Variants in NRG3 observed in about 807,000 individuals in gnomAD.
NRG3 encodes the protein pro-neuregulin-3, membrane-bound isoform.
Under a neutral mutation model 66.9 loss-of-function variants are expected in NRG3, and 31 were observed. That is an observed-to-expected ratio of 0.46 (90% CI 0.35 to 0.63). The LOEUF is 0.63. Among genes scored for constraint, NRG3 ranks in the 20% least tolerant of loss-of-function variants. NRG3 has a pLI of 0.00. For synonymous variants in NRG3, 393 were observed against 359.4 expected, an observed-to-expected ratio of 1.09 and a Z score of -1.06; for missense variants, 910 against 878.9, an observed-to-expected ratio of 1.04 and a Z score of -0.45.
intron 1 of NRG3, among the ~76,000 whole-genome samples, chr10:82,287,908 C>T (rs1311417778): frequency 6.6e-6 from 1 of 152,126 alleles, no homozygotes; most frequent in Non-Finnish European, 1.5e-5. Context: ...CCAGTGGTCC[C>T]TTGTTGATCA....
chr10:82,949,738 C>G (rs574188584), intron 4 of NRG3, among the ~76,000 whole-genome samples: 2 of 152,030 alleles, frequency 1.3e-5, no homozygotes, highest in Admixed American at 6.6e-5. Context: ...GCCTATAGTC[C>G]TAGCTACTTG....
intron 8 of NRG3, among the ~76,000 whole-genome samples, chr10:82,979,398 C>T (rs1004983133): frequency 1.2e-4 from 19 of 152,230 alleles, no homozygotes; most frequent in African/African-American, 4.6e-4. Context: ...TTTGCTAATA[C>T]AACTGGAAAT....
At chr10:82,314,697 C>T (rs2081205257) in intron 1 of NRG3, among the ~76,000 whole-genome samples, 1 of 152,218 alleles carries the variant, frequency 6.6e-6, no homozygotes, top group East Asian at 1.9e-4. Context: ...GTAATCTCAG[C>T]TACTCCAGAG....
intron 1 of NRG3, among the ~76,000 whole-genome samples, chr10:82,062,540 A>C (rs1472903905): frequency 6.6e-6 from 1 of 151,748 alleles, no homozygotes; most frequent in Non-Finnish European, 1.5e-5. Context: ...TGGAAGGCAG[A>C]GGTTGCAGTG....
At chr10:82,456,503 T>A (rs2091274607) in intron 2 of NRG3, among the ~76,000 whole-genome samples, 1 of 152,018 alleles carries the variant, frequency 6.6e-6, no homozygotes, top group Non-Finnish European at 1.5e-5. Context: ...CACACACTAG[T>A]CTAGGCCTAC....
At chr10:82,978,136 A>G (rs1852479211) in intron 7 of NRG3, among the ~76,000 whole-genome samples, 1 of 152,140 alleles carries the variant, frequency 6.6e-6, no homozygotes. Context: ...AGTAGGGTCA[A>G]TTCAGTGGGG....
In NRG3 at chr10:81,876,041, A is replaced by T. The variant is rs781520095; in HGVS notation, c.701A>T (p.Tyr234Phe). 12 of 1,613,490 alleles carry T rather than the reference A, an allele frequency of 7.4e-6. No individual in the cohort carries two copies. The highest frequency in any genetic ancestry group is 1.0e-5 in the Non-Finnish European group (12 of 1,179,920). The change falls in exon 1 of 9, where the codon TAC (tyrosine) becomes TTC (phenylalanine). Residue 234 changes from tyrosine to phenylalanine, a missense_variant. Physicochemically the swap from Tyr to Phe is conservative, Grantham distance 22. Transcript: ENST00000372141. Reference sequence around the variant, plus strand: ...ACTGCGGCATACGCTACCTCCTCCTACCTTCACGATTCTACTCCCTCCTGG... The same window carrying T: ...ACTGCGGCATACGCTACCTCCTCCTTCCTTCACGATTCTACTCCCTCCTGG... Reference protein sequence around the residue: ...WPTAAYATSSYLHDSTPSWTL... With the variant: ...WPTAAYATSSFLHDSTPSWTL...
chr10:82,524,179 A>G (rs905567444), intron 2 of NRG3, among the ~76,000 whole-genome samples: 2 of 152,050 alleles, frequency 1.3e-5, no homozygotes, highest in African/African-American at 2.4e-5. Flanking sequence ...TCTCATTTGT[A>G]TCATCTCCAA....
chr10:82,273,317 C>G (rs1446257353), intron 1 of NRG3, among the ~76,000 whole-genome samples: 1 of 151,982 alleles, frequency 6.6e-6, no homozygotes, highest in Non-Finnish European at 1.5e-5. Context: ...GTAGAGTCGA[C>G]AACTGTGTCA....
In NRG3 at chr10:82,548,521, TCTCACA is replaced by T. The variant is rs1464700338; in HGVS notation, c.953+189655_953+189660del. Among the ~76,000 whole-genome samples the T allele has an allele frequency of 2.2e-3, 237 of 108,468 alleles. 1 individual carries two copies. Among genetic ancestry groups the T allele is most frequent in the Admixed American group, 3.4e-3 (37 of 10,832 alleles). The allele number at this position is 108,468 out of a possible 152,430, so 71.2% of individuals were successfully genotyped here. A position where few individuals can be genotyped will look rare whatever the true frequency, so the allele number is the denominator to read the frequency against. On this transcript the variant is annotated intron_variant, in intron 2 of 8. Coordinates refer to ENST00000372141, the MANE Select transcript of NRG3 (RefSeq NM_001010848.4). Reference sequence around the variant, plus strand: ...ACAAAATACACAAATACATTCTGTCTCTCACACACACACACACACACACACACACAC... The same window carrying T: ...ACAAAATACACAAATACATTCTGTCTCACACACACACACACACACACACAC...
At chr10:82,113,699 T>C (rs2067528603) in intron 1 of NRG3, among the ~76,000 whole-genome samples, 1 of 152,170 alleles carries the variant, frequency 6.6e-6, no homozygotes. Flanking sequence ...GGTGAACCAA[T>C]GTAAATTTCC....
intron 2 of NRG3, among the ~76,000 whole-genome samples, chr10:82,674,975 T>TTTATTTA (rs2053570387): frequency 2.0e-5 from 2 of 98,244 alleles, no homozygotes; most frequent in Admixed American, 9.3e-5. Context: ...TTATTTATTT[T>TTTATTTA]TTGAGACGGA....
intron 6 of NRG3, among the ~76,000 whole-genome samples, chr10:82,960,638 C>T (rs1368090400): frequency 6.6e-6 from 1 of 151,960 alleles, no homozygotes; most frequent in Admixed American, 6.6e-5. Context: ...GATGACATTC[C>T]ACCACAAATG....
chr10:82,652,595 G>A (rs1214894895), intron 2 of NRG3, among the ~76,000 whole-genome samples: 1 of 152,140 alleles, frequency 6.6e-6, no homozygotes, highest in Non-Finnish European at 1.5e-5. Flanking sequence ...GGCTGAGCCT[G>A]GGGTTTTTAT....
At chr10:82,341,290 A>G (rs1354694808) in intron 1 of NRG3, among the ~76,000 whole-genome samples, 1 of 152,088 alleles carries the variant, frequency 6.6e-6, no homozygotes, top group Non-Finnish European at 1.5e-5. Context: ...GTGTAGCTTA[A>G]AAGAGTCCAA....
In NRG3 at chr10:82,944,304, G is replaced by A. The variant is rs550151603; in HGVS notation, c.1055-7165G>A. Among the ~76,000 whole-genome samples the A allele has an allele frequency of 3.3e-5, 5 of 152,236 alleles. No homozygotes were observed. In the East Asian group the frequency reaches 5.8e-4, roughly 18 times the overall value. On this transcript the variant is annotated intron_variant, in intron 4 of 8. Transcript: ENST00000372141. ...GAAATAATTCATTTTTGTGAGTGCA[G>A]TCTTATGTTTTTGTTTGTTTTAGTG... is the stretch of plus-strand genomic sequence containing the variant.
intron 1 of NRG3, among the ~76,000 whole-genome samples, chr10:82,109,488 A>G (rs900953104): frequency 6.6e-6 from 1 of 151,948 alleles, no homozygotes; most frequent in Non-Finnish European, 1.5e-5. Flanking sequence ...TCCAAGGTTT[A>G]TAGAGGCTTA....
At chr10:82,912,600 A>G (rs1037979217) in intron 4 of NRG3, among the ~76,000 whole-genome samples, 1 of 152,190 alleles carries the variant, frequency 6.6e-6, no homozygotes, top group Non-Finnish European at 1.5e-5. Flanking sequence ...TTTTAAAAAT[A>G]TACTTCGACA....
intron 2 of NRG3, among the ~76,000 whole-genome samples, chr10:82,699,679 A>G (rs1423994540): frequency 6.6e-6 from 1 of 151,990 alleles, no homozygotes; most frequent in African/African-American, 2.4e-5. Context: ...ATGCAGAGAG[A>G]CTGTCTCTCT....
Sources: allele counts gnomAD v4.1 joint callset (sites outside exome capture counted in the v4.1 genomes callset), GRCh38; gene constraint gnomAD v4.1.1; transcripts MANE v1.5; gene names NCBI Gene and HGNC (gene_info 2026-07-23, HGNC 2026-07-21).